The following TECPR2 variants were observed in gnomAD, a reference collection of about 807,000 sequenced individuals.
TECPR2 encodes the protein tectonin beta-propeller repeat containing 2.
Under a neutral mutation model 138.1 loss-of-function variants are expected in TECPR2, and 65 were observed. That is an observed-to-expected ratio of 0.47 (90% CI 0.39 to 0.58). The LOEUF (loss-of-function observed/expected upper bound fraction) is 0.58, where lower values mean the gene tolerates loss of function less well. TECPR2 is among the 20% of genes least tolerant of loss of function. The pLI is 0.00. For missense variants in TECPR2, 1,553 were observed against 1,824.5 expected (o/e 0.85, Z 2.71); for synonymous variants, 746 against 749.8 (o/e 0.99, Z 0.08).
At chr14:102,364,988 A>T (rs1367552731) in intron 1 of TECPR2, among the ~76,000 whole-genome samples, 1 of 152,230 alleles carries the variant, frequency 6.6e-6, no homozygotes, top group Non-Finnish European at 1.5e-5. Context: ...GCTAAGGTAG[A>T]AGGGAGCTGT....
intron 17 of TECPR2, among the ~76,000 whole-genome samples, chr14:102,488,135 C>A (rs1217625331): frequency 6.6e-6 from 1 of 152,020 alleles, no homozygotes; most frequent in Non-Finnish European, 1.5e-5. Context: ...TGAGCCACCA[C>A]GCCCAGCCTC....
chr14:102,401,671 G>C (rs977498999), intron 2 of TECPR2, among the ~76,000 whole-genome samples: 10 of 151,546 alleles, frequency 6.6e-5, no homozygotes, highest in African/African-American at 1.7e-4. Flanking sequence ...CATGCTTGGT[G>C]GTGGGTGCCT....
Position 102,497,571 on chromosome 14 carries a change from G to T in TECPR2, c.3933G>T (p.Gly1311=). 6.3e-7 allele frequency: 1 copy of T among 1,594,752 alleles called. No homozygotes were observed. Among genetic ancestry groups the T allele is most frequent in the Non-Finnish European group, 8.5e-7 (1 of 1,169,772 alleles). The change falls in exon 19 of 20, where the codon GGG becomes GGT. Residue 1311 remains glycine (G), a splice_region_variant and synonymous_variant. Transcript: ENST00000359520. ...PVGTAWEHVP[G]LQACQLALST... ...AGGAGGGACCCTGTCTGCCCACAGG[G>T]TTGCAGGCCTGCCAGCTGGCGCTGA...
rs1243998088 is a variant in TECPR2 at position 102,418,837 on chromosome 14, G to GT, written c.638+4046dup. ...GCAGAGCTGGCAGATTTGCTGCCAC[G>GT]TTGGTTCTGAGGTGTGAGAGGGATG... On this transcript the variant is annotated intron_variant, in intron 5 of 19. Coordinates refer to ENST00000359520, the MANE Select transcript of TECPR2 (RefSeq NM_014844.5). Among the ~76,000 whole-genome samples, 10 of 152,338 alleles carry GT rather than the reference G, an allele frequency of 6.6e-5. No individual in the cohort carries two copies. The East Asian group carries it at 7.7e-4, about 12-fold the overall frequency.
chr14:102,460,749 C>T (rs1409603832), intron 16 of TECPR2, among the ~76,000 whole-genome samples: 2 of 145,126 alleles, frequency 1.4e-5, no homozygotes, highest in Non-Finnish European at 3.0e-5. Context: ...GGCTGGAGTG[C>T]AGTGGCACGA....
At position 102,362,984 on chromosome 14, in the gene TECPR2, G is replaced by T; in HGVS notation, c.-205G>T. On this transcript the variant is annotated 5_prime_UTR_variant, in exon 1 of 20. Transcript: ENST00000359520. ...CTAGCCCCCGGCGGAGCCAGCTGCT[G>T]CTCTTCGGTGCTGGCCCCGGTGCCG... 2 of 1,209,302 alleles carry T rather than the reference G, an allele frequency of 1.7e-6. No homozygotes were observed. The highest frequency in any genetic ancestry group is 1.3e-5 in the South Asian group (1 of 74,562). 74.9% of individuals were successfully genotyped at this position (1,209,302 alleles called of 1,614,324 possible). A position where few individuals can be genotyped will look rare whatever the true frequency, so the allele number is the denominator to read the frequency against.
intron 1 of TECPR2, among the ~76,000 whole-genome samples, chr14:102,376,064 G>A (rs1238545882): frequency 6.6e-6 from 1 of 152,168 alleles, no homozygotes; most frequent in Non-Finnish European, 1.5e-5. Context: ...ACTCTTGAGC[G>A]CTGAGGAGGC....
rs540691040 is a variant in TECPR2 at position 102,443,239 on chromosome 14, C to G, written c.2753-408C>G. Among the ~76,000 whole-genome samples the G allele has an allele frequency of 3.9e-5, 6 of 152,350 alleles. No individual in the cohort carries two copies. Among genetic ancestry groups the G allele is most frequent in the Non-Finnish European group, 5.9e-5 (4 of 68,034 alleles). On this transcript the variant is annotated intron_variant, in intron 11 of 19. Transcript: ENST00000359520. This position sits in a 1 kb window ranked among gnomAD's most constrained non-coding sequence, Gnocchi z 4.9. The stretch of plus-strand genomic sequence containing the variant: ...TGTTCTTCTCTTAGAACTTCTTAAG[C>G]TACATTGGGACACCAGATAATTCTG...
rs73351378 is a variant in TECPR2, at chr14:102,465,430, T to A, written c.3789+141T>A. On this transcript the variant is annotated intron_variant, in intron 17 of 19. Coordinates refer to ENST00000359520, the MANE Select transcript of TECPR2 (RefSeq NM_014844.5). ...AGCCATGCCCCCAGGGTCTACACAC[T>A]CTCGTTCATCAACATCACAACTGGA... is the stretch of plus-strand genomic sequence containing the variant. 88,149 of 1,421,136 alleles carry A rather than the reference T, an allele frequency of 0.062. 3,299 individuals carry two copies. Among genetic ancestry groups the A allele is most frequent in the African/African-American group, 0.17 (12,134 of 69,626 alleles). The allele number at this position is 1,421,136 out of a possible 1,614,324, so 88.0% of individuals were successfully genotyped here.
chr14:102,381,820 T>C (rs1312998037), intron 2 of TECPR2, among the ~76,000 whole-genome samples: 2 of 152,208 alleles, frequency 1.3e-5, no homozygotes, highest in African/African-American at 4.8e-5. Flanking sequence ...TTTCCCCTAT[T>C]GAGTTCTTTA....
chr14:102,376,490 A>G (rs1887641513), intron 1 of TECPR2, among the ~76,000 whole-genome samples, 160 bp from the exon 2 acceptor site: 1 of 152,198 alleles, frequency 6.6e-6, no homozygotes, highest in South Asian at 2.1e-4. Flanking sequence ...TTGAGTTAAA[A>G]TGCTCAAAAG....
rs183194872 is a variant in TECPR2, at chr14:102,379,606, T to C, written c.219+2666T>C. On this transcript the variant is annotated intron_variant, in intron 2 of 19. Transcript: ENST00000359520. Reference sequence around the variant, plus strand: ...AGTCACACTGCTGAAGATCACAGTCTTAAAATCCATGCACAGAGGCACCCT... The same window carrying C: ...AGTCACACTGCTGAAGATCACAGTCCTAAAATCCATGCACAGAGGCACCCT... Among the ~76,000 whole-genome samples, 130 of 149,050 alleles carry C rather than the reference T, an allele frequency of 8.7e-4. 1 individual carries two copies. The highest frequency in any genetic ancestry group is 3.1e-3 in the African/African-American group (124 of 40,274).
At position 102,465,442 on chromosome 14, in the gene TECPR2, A is replaced by G. The variant is rs181333723; in HGVS notation, c.3789+153A>G. The stretch of plus-strand genomic sequence containing the variant: ...AGGGTCTACACACTCTCGTTCATCA[A>G]CATCACAACTGGAATTCGGGATTTG... On this transcript the variant is annotated intron_variant, in intron 17 of 19. Transcript: ENST00000359520. The G allele has an allele frequency of 5.7e-6, 8 of 1,412,042 alleles. No homozygotes were observed. The African/African-American group carries it at 5.8e-5, about 10-fold the overall frequency. The allele number at this position is 1,412,042 out of a possible 1,614,324, so 87.5% of individuals were successfully genotyped here.
In TECPR2 at chr14:102,498,771, T is replaced by A. The variant is rs1228649489; in HGVS notation, c.*514T>A. 5 of 497,572 alleles carry A rather than the reference T, an allele frequency of 1.0e-5. No homozygotes were observed. The East Asian group carries it at 1.8e-4, about 18-fold the overall frequency. The allele number at this position is 497,572 out of a possible 1,614,324, so 30.8% of individuals were successfully genotyped here. A position where few individuals can be genotyped will look rare whatever the true frequency, so the allele number is the denominator to read the frequency against. ...CCAGAGACAAAGCTGCAGAGCACATTCCATGCCAGACGCTCTGGCCAGGAA... is the reference window on the plus strand; with the variant it reads ...CCAGAGACAAAGCTGCAGAGCACATACCATGCCAGACGCTCTGGCCAGGAA... On this transcript the variant is annotated 3_prime_UTR_variant, in exon 20 of 20. Transcript: ENST00000359520.
At chr14:102,393,147 G>A (rs1472666232) in intron 2 of TECPR2, among the ~76,000 whole-genome samples, 1 of 152,146 alleles carries the variant, frequency 6.6e-6, no homozygotes, top group Admixed American at 6.6e-5. Flanking sequence ...TGTAGCTTCA[G>A]GGCTAGCTTC....
chr14:102,498,014 C>T, intron 19 of TECPR2, 89 bp from the exon 20 acceptor site: 1 of 824,964 alleles, frequency 1.2e-6, no homozygotes, highest in Non-Finnish European at 1.8e-6. Context: ...GTGGCAAGCC[C>T]AGACCTGCGC....
rs533098780 is a variant in TECPR2 at position 102,414,487 on chromosome 14, G to C, written c.481-149G>C. 31 of 912,976 alleles carry C rather than the reference G, an allele frequency of 3.4e-5. 1 individual carries two copies. The South Asian group carries it at 5.3e-4, about 16-fold the overall frequency. The allele number at this position is 912,976 out of a possible 1,614,324, so 56.6% of individuals were successfully genotyped here. On this transcript the variant is annotated intron_variant, in intron 4 of 19. Coordinates refer to ENST00000359520, the MANE Select transcript of TECPR2 (RefSeq NM_014844.5). ...AAATAATCTCGCTATGGTGGGTTGA[G>C]AGTGAATCTGCAGAGAGTGAAAGCA... is the stretch of plus-strand genomic sequence containing the variant.
At chr14:102,442,498 C>T (rs1475062901) in intron 11 of TECPR2, among the ~76,000 whole-genome samples, 1 of 152,194 alleles carries the variant, frequency 6.6e-6, no homozygotes, top group Admixed American at 6.5e-5. Flanking sequence ...ATCTAAGCTG[C>T]CAGGACATTT....
chr14:102,499,679 C>G lies in TECPR2; in HGVS notation c.*1422C>G, dbSNP rs148850948. ...CTGGCATCTGCGTGTGAGGGCTAGG[C>G]CGCCCTGCCACACATCCCGCCCCCT... On this transcript the variant is annotated 3_prime_UTR_variant, in exon 20 of 20. Coordinates refer to ENST00000359520, the MANE Select transcript of TECPR2 (RefSeq NM_014844.5). 1.4e-3 allele frequency: 254 copies of G among 183,418 alleles called. 2 individuals carry two copies. The highest frequency in any genetic ancestry group is 5.5e-3 in the African/African-American group (233 of 42,456). 11.4% of individuals were successfully genotyped at this position (183,418 alleles called of 1,614,324 possible).
Sources: allele counts gnomAD v4.1 joint callset (sites outside exome capture counted in the v4.1 genomes callset), GRCh38; gene constraint gnomAD v4.1.1; non-coding constraint Gnocchi (gnomAD v3.1); transcripts MANE v1.5; gene names NCBI Gene and HGNC (gene_info 2026-07-23, HGNC 2026-07-21).